GRIA2: variants seen among roughly 807,000 people sequenced by gnomAD.
GRIA2 encodes glutamate receptor 2.
In GRIA2, 14 loss-of-function variants were observed where a neutral mutation model predicts 97.3. That is an observed-to-expected ratio of 0.14 (90% CI 0.10 to 0.23). The LOEUF is 0.23. Ranked by LOEUF, GRIA2 falls within the 10% of genes least tolerant of loss-of-function variation. The pLI is 1.00. For synonymous variants in GRIA2, 412 were observed against 387.8 expected (o/e 1.06, Z -0.73); for missense variants, 558 against 1,069.8 (o/e 0.52, Z 6.67).
At chr4:157,262,532 G>A (rs1489704118) in intron 2 of GRIA2, among the ~76,000 whole-genome samples, 1 of 152,008 alleles carries the variant, frequency 6.6e-6, no homozygotes, top group African/African-American at 2.4e-5. Flanking sequence ...AGACTTAGAG[G>A]GCATCAGGAA....
chr4:157,346,372 T>C (rs1050286018), intron 12 of GRIA2, among the ~76,000 whole-genome samples: 8 of 152,140 alleles, frequency 5.3e-5, no homozygotes, highest in African/African-American at 2.4e-5. Context: ...TTTCACAAAT[T>C]TGTCATTCCC....
intron 4 of GRIA2, among the ~76,000 whole-genome samples, chr4:157,314,281 A>G (rs1185305070): frequency 1.3e-5 from 2 of 152,226 alleles, no homozygotes; most frequent in Non-Finnish European, 2.9e-5. Context: ...TTTGTTCAAC[A>G]CAAAACATTC....
At chr4:157,237,604 T>A (rs950979226) in intron 2 of GRIA2, among the ~76,000 whole-genome samples, 11 of 152,130 alleles carry the variant, frequency 7.2e-5, no homozygotes, top group Admixed American at 3.9e-4. Flanking sequence ...AAGTAAATAA[T>A]TCCTCAAGGA....
intron 2 of GRIA2, among the ~76,000 whole-genome samples, chr4:157,242,021 C>A (rs1388926337): frequency 6.6e-6 from 1 of 152,042 alleles, no homozygotes; most frequent in Admixed American, 6.6e-5. Flanking sequence ...TTTCTTTTCT[C>A]TTTACAAGAG....
chr4:157,362,891 T>G lies in GRIA2; in HGVS notation c.2499T>G (p.Ile833Met), dbSNP rs531676627. Residue 833 changes from isoleucine (I) to methionine (M), a missense_variant, in exon 15 of 16, where the codon ATT (isoleucine) becomes ATG (methionine). Around this residue, in one of 8 missense-constraint regions of GRIA2, gnomAD observed 54 missense variants for 82.1 expected, o/e 0.66. Transcript: ENST00000264426. Reference sequence around the variant, plus strand: ...GTTTGGCAATGCTGGTGGCTTTGATTGAGTTCTGTTACAAGTCAAGGGCCG... The same window carrying G: ...GTTTGGCAATGCTGGTGGCTTTGATGGAGTTCTGTTACAAGTCAAGGGCCG... ...GLGLAMLVAL[I>M]EFCYKSRAEA... 1 of 1,613,616 alleles carries G rather than the reference T, an allele frequency of 6.2e-7. No individual in the cohort carries two copies. The highest frequency in any genetic ancestry group is 2.2e-5 in the East Asian group (1 of 44,862).
In GRIA2 at chr4:157,361,646, A is replaced by C. The variant is rs1736635291; in HGVS notation, c.2406+522A>C. 6.2e-7 allele frequency: 1 copy of C among 1,603,892 alleles called. No individual in the cohort carries two copies. The highest frequency in any genetic ancestry group is 1.7e-5 in the Admixed American group (1 of 59,910). On this transcript the variant is annotated intron_variant, in intron 14 of 15. Transcript: ENST00000264426. This position sits in a 1 kb window ranked among gnomAD's most constrained non-coding sequence, Gnocchi z 5.2. The stretch of plus-strand genomic sequence containing the variant: ...GTGAATGTGGAGCCAAGGACTCTGG[A>C]AGTAAGGTCAGTTGCTGCAGGTTTT...
At chr4:157,355,923 T>TCATATATAAA (rs1736290151) in intron 12 of GRIA2, among the ~76,000 whole-genome samples, 1 of 67,092 alleles carries the variant, frequency 1.5e-5, no homozygotes. Flanking sequence ...ATTAATATAT[T>TCATATATAAA]TATATATATT....
intron 11 of GRIA2, among the ~76,000 whole-genome samples, chr4:157,339,333 G>A (rs1560773767): frequency 2.6e-5 from 4 of 151,870 alleles, no homozygotes; most frequent in East Asian, 1.9e-4. Flanking sequence ...GCTGATGGGC[G>A]AAAGTTTTAC....
At chr4:157,333,040 C>A (rs1355581715) in intron 7 of GRIA2, 54 bp downstream of exon 7, 5 of 1,369,888 alleles carry the variant, frequency 3.6e-6, no homozygotes, top group Admixed American at 2.1e-5. Flanking sequence ...TTAATGTTTT[C>A]TTCCTGCTAA....
intron 7 of GRIA2, 47 bp from the exon 8 acceptor site, chr4:157,333,202 G>T: frequency 1.8e-6 from 2 of 1,102,700 alleles, no homozygotes; most frequent in South Asian, 1.4e-5. Context: ...GTATATGTTT[G>T]GTTGAAGTAA....
At chr4:157,221,211 G>A (rs1313069563) in intron 1 of GRIA2, 81 bp downstream of exon 1, 1 of 796,966 alleles carries the variant, frequency 1.3e-6, no homozygotes, top group African/African-American at 1.7e-5. Context: ...ATTAATTCAT[G>A]TCATGTAGAC....
At chr4:157,248,593 GTA>G (rs1224253693) in intron 2 of GRIA2, among the ~76,000 whole-genome samples, 1 of 2,674 alleles carries the variant, frequency 3.7e-4, no homozygotes, top group African/African-American at 8.2e-4. Flanking sequence ...GTGTATATAT[GTA>G]TATATATGTA....
At chr4:157,312,962 T>G (rs1734152788) in intron 4 of GRIA2, 87 bp downstream of exon 4, 1 of 714,134 alleles carries the variant, frequency 1.4e-6, no homozygotes, top group Non-Finnish European at 2.2e-6. Context: ...TGTAAGGTGC[T>G]TGAACAGCAG....
chr4:157,302,836 G>A (rs780810655), intron 2 of GRIA2, among the ~76,000 whole-genome samples: 2 of 152,156 alleles, frequency 1.3e-5, no homozygotes, highest in Non-Finnish European at 2.9e-5. Flanking sequence ...TAGAAATATT[G>A]GAAGAGGATG....
chr4:157,268,222 T>C (rs1374541245), intron 2 of GRIA2, among the ~76,000 whole-genome samples: 1 of 152,088 alleles, frequency 6.6e-6, no homozygotes, highest in African/African-American at 2.4e-5. Flanking sequence ...TTTCATAAAA[T>C]TGTCTTACAT....
chr4:157,312,506 G>A (rs1162851236), intron 3 of GRIA2, among the ~76,000 whole-genome samples, 173 bp from the exon 4 acceptor site: 4 of 152,222 alleles, frequency 2.6e-5, no homozygotes, highest in South Asian at 2.1e-4. Flanking sequence ...GATGTGAAGT[G>A]ACATAAGTAG....
chr4:157,313,507 A>T (rs1482008874), intron 4 of GRIA2, among the ~76,000 whole-genome samples: 1 of 152,118 alleles, frequency 6.6e-6, no homozygotes, highest in African/African-American at 2.4e-5. Flanking sequence ...GGATATTTTT[A>T]TCTGTGCTTA....
At chr4:157,258,204 T>C (rs1313557976) in intron 2 of GRIA2, among the ~76,000 whole-genome samples, 1 of 152,084 alleles carries the variant, frequency 6.6e-6, no homozygotes, top group Non-Finnish European at 1.5e-5. Context: ...AGATAACTAT[T>C]AGGTCTGGCT....
intron 12 of GRIA2, among the ~76,000 whole-genome samples, chr4:157,345,010 T>C (rs1441782126): frequency 6.6e-6 from 1 of 152,132 alleles, no homozygotes; most frequent in Non-Finnish European, 1.5e-5. Context: ...ATGACTATTT[T>C]ATTTAATAGT....
Sources: allele counts gnomAD v4.1 joint callset (sites outside exome capture counted in the v4.1 genomes callset), GRCh38; gene constraint gnomAD v4.1.1; regional missense constraint gnomAD v4.1.1; non-coding constraint Gnocchi (gnomAD v3.1); transcripts MANE v1.5; gene names NCBI Gene and HGNC (gene_info 2026-07-23, HGNC 2026-07-21).